Variants in FLNB observed in about 807,000 individuals in gnomAD.
The protein encoded by FLNB is filamin-B.
In FLNB, 111 loss-of-function variants were observed where a neutral mutation model predicts 250.6. That is an observed-to-expected ratio of 0.44 (90% CI 0.38 to 0.52). The LOEUF is 0.52. Ranked by LOEUF, FLNB falls within the 20% of genes least tolerant of loss-of-function variation. The pLI is 0.00. For synonymous variants in FLNB, 1,302 were observed against 1,372.1 expected (o/e 0.95, Z 1.13); for missense variants, 2,869 against 3,447.8 (o/e 0.83, Z 4.20).
In FLNB at chr3:58,104,180, GAT is replaced by G. The variant is rs1018713468; in HGVS notation, c.1610+96_1610+97del. 5 of 1,212,146 alleles carry G rather than the reference GAT, an allele frequency of 4.1e-6. No individual in the cohort carries two copies. In the African/African-American group the frequency reaches 7.7e-5, roughly 19 times the overall value. The allele number at this position is 1,212,146 out of a possible 1,614,324, so 75.1% of individuals were successfully genotyped here. A position where few individuals can be genotyped will look rare whatever the true frequency, so the allele number is the denominator to read the frequency against. ...CTTCCCGGGCTGCAGGAGGGAAAGA[GAT>G]CTGCTTTGTTGAAAACTTTTTTTTT... On this transcript the variant is annotated intron_variant, in intron 10 of 45. Coordinates refer to ENST00000295956, the MANE Select transcript of FLNB (RefSeq NM_001457.4).
At chr3:58,027,787 A>C (rs180922955) in intron 1 of FLNB, among the ~76,000 whole-genome samples, 3 of 152,332 alleles carry the variant, frequency 2.0e-5, no homozygotes, top group Admixed American at 6.5e-5. Context: ...TTTCCCCTGC[A>C]GTTGACTCAC....
intron 1 of FLNB, among the ~76,000 whole-genome samples, chr3:58,052,181 C>T (rs575600634): frequency 6.6e-6 from 1 of 152,324 alleles, no homozygotes; most frequent in East Asian, 1.9e-4. Flanking sequence ...AGCCACTGTG[C>T]CCAGCCTCGA....
At chr3:58,132,695 T>A in intron 25 of FLNB, 113 bp from the exon 26 acceptor site, 1 of 1,350,702 alleles carries the variant, frequency 7.4e-7, no homozygotes, top group Non-Finnish European at 1.1e-6. Flanking sequence ...TTGTTACTCA[T>A]CAGTGGAAAC....
At chr3:58,131,014 T>A in intron 25 of FLNB, 106 bp downstream of exon 25, 2 of 1,085,348 alleles carry the variant, frequency 1.8e-6, no homozygotes, top group Admixed American at 2.7e-5. Context: ...GAGCTTAAAA[T>A]TAAATTAAAA....
At chr3:58,125,388 C>T (rs568109442) in intron 22 of FLNB, among the ~76,000 whole-genome samples, 193 bp from the exon 23 acceptor site, 1 of 152,336 alleles carries the variant, frequency 6.6e-6, no homozygotes, top group East Asian at 1.9e-4. Context: ...CCACCTCGGC[C>T]TCCCAAAGTG....
At chr3:58,156,168 G>A in intron 41 of FLNB, 93 bp downstream of exon 41, 1 of 928,340 alleles carries the variant, frequency 1.1e-6, no homozygotes, top group Non-Finnish European at 1.7e-6. Context: ...CTTAGGTGCT[G>A]AGGCCCCTTT....
chr3:58,132,312 C>T (rs1490064787), intron 25 of FLNB: 2 of 451,962 alleles, frequency 4.4e-6, no homozygotes, highest in African/African-American at 2.0e-5. Flanking sequence ...TGCCCTGCAC[C>T]TATGCCCCAG....
At chr3:58,137,248 C>T (rs1208346969) in intron 28 of FLNB, among the ~76,000 whole-genome samples, 1 of 152,166 alleles carries the variant, frequency 6.6e-6, no homozygotes, top group Non-Finnish European at 1.5e-5. Context: ...TCAGCGTGGC[C>T]CTTTTTGGCT....
At position 58,146,871 on chromosome 3, in the gene FLNB, T is replaced by C. The variant is rs758406599; in HGVS notation, c.5606T>C (p.Ile1869Thr). ...CCCTCAAAAGCAGAAATCAGCTGCA[T>C]TGACAATAAAGATGGGACATGCACA... The part of the protein sequence containing the change: ...EGPSKAEISC[I>T]DNKDGTCTVT... Residue 1869 changes from isoleucine to threonine, a missense_variant, in exon 34 of 46, where the codon ATT becomes ACT. This residue lies in a region of FLNB where 1,084 missense variants were observed against 1,315.5 expected (regional missense o/e 0.82). Transcript: ENST00000295956. 4.3e-6 allele frequency: 7 copies of C among 1,614,090 alleles called. No homozygotes were observed. In the African/African-American group the frequency reaches 9.3e-5, roughly 22 times the overall value.
chr3:58,109,067 G>C, intron 13 of FLNB, 112 bp from the exon 14 acceptor site: 1 of 1,306,598 alleles, frequency 7.7e-7, no homozygotes, highest in Non-Finnish European at 1.1e-6. Flanking sequence ...GGTCCATGAA[G>C]TTTTGTTGTA....
intron 1 of FLNB, among the ~76,000 whole-genome samples, chr3:58,053,461 C>CATTT (rs1048952264): frequency 7.2e-5 from 11 of 152,054 alleles, no homozygotes; most frequent in Middle Eastern, 3.4e-3. Flanking sequence ...AAAAACAAAA[C>CATTT]ATTTATTTAT....
At chr3:58,154,562 G>T in intron 39 of FLNB, 4 of 412,110 alleles carry the variant, frequency 9.7e-6, no homozygotes, top group South Asian at 2.7e-5. Flanking sequence ...AAAAAAAAAA[G>T]ACATGTCTTC....
At chr3:58,100,373 A>ATATATATAT (rs1553696152) in intron 8 of FLNB, among the ~76,000 whole-genome samples, 1 of 104,386 alleles carries the variant, frequency 9.6e-6, no homozygotes, top group South Asian at 3.4e-4. Context: ...GTAAAAAAAA[A>ATATATATAT]ATATATATAT....
chr3:58,010,483 G>A (rs1288449016), intron 1 of FLNB, among the ~76,000 whole-genome samples: 1 of 152,118 alleles, frequency 6.6e-6, no homozygotes, highest in African/African-American at 2.4e-5. Flanking sequence ...CTTCCCTGCA[G>A]AAGAATCTGC....
At chr3:58,085,919 T>A (rs1009980074) in intron 4 of FLNB, among the ~76,000 whole-genome samples, 18 of 152,136 alleles carry the variant, frequency 1.2e-4, no homozygotes, top group African/African-American at 4.1e-4. Context: ...GCAGAGTACG[T>A]TGTTTCTTAG....
chr3:58,159,423 T>C (rs2097358020), intron 41 of FLNB, 131 bp from the exon 42 acceptor site: 1 of 902,076 alleles, frequency 1.1e-6, no homozygotes, highest in Non-Finnish European at 1.8e-6. Context: ...CACCTGCCCT[T>C]TGTTGTCATA....
At chr3:58,042,813 T>C (rs1011449021) in intron 1 of FLNB, among the ~76,000 whole-genome samples, 1 of 152,172 alleles carries the variant, frequency 6.6e-6, no homozygotes. Context: ...GGCTAGTCAT[T>C]ATAGATTTAT....
chr3:58,028,846 C>T (rs1250368349), intron 1 of FLNB, among the ~76,000 whole-genome samples: 3 of 151,662 alleles, frequency 2.0e-5, no homozygotes, highest in African/African-American at 7.3e-5. Context: ...GAACTCCTGA[C>T]CTCAGGTGAT....
chr3:58,163,330 G>T lies in FLNB; in HGVS notation c.7198G>T (p.Gly2400Cys). The change falls in exon 43 of 46, where the codon GGT (glycine) becomes TGT (cysteine). Residue 2400 changes from glycine (G) to cysteine (C), a missense_variant and splice_region_variant. Physicochemically the swap from Gly to Cys is radical, Grantham distance 159. Coordinates refer to ENST00000295956, the MANE Select transcript of FLNB (RefSeq NM_001457.4). ...YGTGLEGGTT[G>C]IQSEFFINTT... ...CACGGGACTCGAAGGGGGCACCACA[G>T]GTAACCCACTCTTCTGCTTCTTGAA... 6.2e-7 allele frequency: 1 copy of T among 1,614,072 alleles called. No homozygotes were observed. The highest frequency in any genetic ancestry group is 8.5e-7 in the Non-Finnish European group (1 of 1,179,984).
Sources: gnomAD v4.1 joint callset for allele counts (sites outside exome capture counted in the v4.1 genomes callset) on GRCh38, gnomAD v4.1.1 for gene constraint, gnomAD v4.1.1 regional missense constraint, MANE v1.5 for transcripts, NCBI Gene and HGNC (gene_info 2026-07-23, HGNC 2026-07-21) for gene names.